CCDC178: variants seen among roughly 807,000 people sequenced by gnomAD.
The protein encoded by CCDC178 is coiled-coil domain containing 178.
A neutral mutation model predicts 117.4 loss-of-function variants in CCDC178; 126 were observed. That is an observed-to-expected ratio of 1.07 (90% CI 0.93 to 1.24). The LOEUF (loss-of-function observed/expected upper bound fraction) is 1.24, where lower values mean the gene tolerates loss of function less well. Ranked by LOEUF, CCDC178 falls within the 50% of genes most tolerant of loss-of-function variation. The pLI is 0.00. For missense variants in CCDC178, 1,030 were observed against 986.9 expected (o/e 1.04, Z -0.59); for synonymous variants, 283 against 313.4 (o/e 0.90, Z 1.02).
intron 10 of CCDC178, among the ~76,000 whole-genome samples, chr18:33,326,112 A>AGG (rs1483809358): frequency 6.6e-6 from 1 of 152,188 alleles, no homozygotes; most frequent in African/African-American, 2.4e-5. Flanking sequence ...GCTACCAGGT[A>AGG]GGGCTGTGTT....
At chr18:33,192,089 C>T (rs150121766) in intron 20 of CCDC178, among the ~76,000 whole-genome samples, 416 of 152,164 alleles carry the variant, frequency 2.7e-3, no homozygotes, top group Non-Finnish European at 3.9e-3. Context: ...AAATAATATA[C>T]AGTAGGTACT....
At chr18:33,045,436 A>G (rs1311515740) in intron 21 of CCDC178, among the ~76,000 whole-genome samples, 1 of 152,112 alleles carries the variant, frequency 6.6e-6, no homozygotes, top group Admixed American at 6.6e-5. Flanking sequence ...TGCTTAATAG[A>G]TATTTGCTAA....
intron 20 of CCDC178, among the ~76,000 whole-genome samples, chr18:33,179,078 A>AAAAAAATATAT (rs71159804): frequency 1.8e-5 from 1 of 55,822 alleles, no homozygotes; most frequent in African/African-American, 1.1e-4. Context: ...AAAAAAAAAA[A>AAAAAAATATAT]ATATATATAT....
intron 20 of CCDC178, among the ~76,000 whole-genome samples, chr18:33,190,303 C>A (rs887429025): frequency 6.6e-6 from 1 of 152,168 alleles, no homozygotes; most frequent in Non-Finnish European, 1.5e-5. Flanking sequence ...ATTCCTATAA[C>A]ACATCTCTTA....
chr18:33,260,763 G>A (rs539643412), intron 14 of CCDC178, among the ~76,000 whole-genome samples: 1 of 151,950 alleles, frequency 6.6e-6, no homozygotes, highest in African/African-American at 2.4e-5. Flanking sequence ...TTGTTTGTTA[G>A]ATAGGTAGAG....
intron 20 of CCDC178, among the ~76,000 whole-genome samples, chr18:33,138,464 A>C (rs775010268): frequency 9.2e-5 from 14 of 152,184 alleles, no homozygotes; most frequent in Non-Finnish European, 1.8e-4. Flanking sequence ...CAACAGTAGT[A>C]AGACATAGCT....
chr18:33,153,489 T>G (rs1197429756), intron 20 of CCDC178, among the ~76,000 whole-genome samples: 1 of 152,134 alleles, frequency 6.6e-6, no homozygotes, highest in East Asian at 1.9e-4. Context: ...TTTGTATCTA[T>G]GTATCTTATA....
intron 21 of CCDC178, among the ~76,000 whole-genome samples, chr18:33,054,471 T>C (rs1387378213): frequency 2.5e-4 from 38 of 152,188 alleles, no homozygotes; most frequent in Admixed American, 2.4e-3. Flanking sequence ...CCTACATGTG[T>C]CCACGTATTC....
At chr18:33,373,232 GAAT>G (rs1568183742) in intron 5 of CCDC178, among the ~76,000 whole-genome samples, 1 of 152,048 alleles carries the variant, frequency 6.6e-6, no homozygotes, top group African/African-American at 2.4e-5. Context: ...TAAATATCTA[GAAT>G]AATACACATG....
intron 12 of CCDC178, among the ~76,000 whole-genome samples, chr18:33,268,558 G>C (rs960997713): frequency 4.6e-5 from 7 of 151,710 alleles, no homozygotes; most frequent in Non-Finnish European, 8.8e-5. Context: ...CATAATCTTG[G>C]GCTAAAGGAG....
At chr18:32,994,181 T>C (rs1464973946) in intron 21 of CCDC178, among the ~76,000 whole-genome samples, 1 of 145,952 alleles carries the variant, frequency 6.9e-6, no homozygotes, top group Non-Finnish European at 1.5e-5. Flanking sequence ...GGTTACTAAA[T>C]CTCTTTTCTA....
intron 9 of CCDC178, among the ~76,000 whole-genome samples, chr18:33,334,896 T>C (rs1381871963): frequency 1.3e-5 from 2 of 152,068 alleles, no homozygotes; most frequent in African/African-American, 4.8e-5. Flanking sequence ...AAGCTATTTT[T>C]CTCTGTAAAT....
intron 21 of CCDC178, among the ~76,000 whole-genome samples, chr18:33,052,980 G>C (rs1345469118): frequency 6.6e-6 from 1 of 152,132 alleles, no homozygotes; most frequent in Non-Finnish European, 1.5e-5. Flanking sequence ...TGGACAAATA[G>C]AGATTAATGC....
At chr18:33,384,481 C>A (rs1317387917) in intron 5 of CCDC178, among the ~76,000 whole-genome samples, 2 of 152,136 alleles carry the variant, frequency 1.3e-5, no homozygotes, top group Non-Finnish European at 2.9e-5. Flanking sequence ...AGGTCGTCTA[C>A]AAAGGGCAAC....
intron 21 of CCDC178, among the ~76,000 whole-genome samples, chr18:32,985,578 G>A (rs2055245381): frequency 6.6e-6 from 1 of 151,820 alleles, no homozygotes; most frequent in Non-Finnish European, 1.5e-5. Context: ...TTAAATCCAG[G>A]TTATGACAAA....
At chr18:33,217,370 G>T (rs1018668741) in intron 18 of CCDC178, among the ~76,000 whole-genome samples, 9 of 151,898 alleles carry the variant, frequency 5.9e-5, no homozygotes, top group Non-Finnish European at 1.5e-5. Flanking sequence ...ATTTTATAAA[G>T]AAATCATACA....
intron 21 of CCDC178, among the ~76,000 whole-genome samples, chr18:33,039,596 A>G (rs566528678): frequency 6.6e-6 from 1 of 152,148 alleles, no homozygotes; most frequent in South Asian, 2.1e-4. Flanking sequence ...TGAATATAAA[A>G]TACTTGCAGA....
chr18:33,030,435 A>T (rs926149273), intron 21 of CCDC178, among the ~76,000 whole-genome samples: 2 of 151,988 alleles, frequency 1.3e-5, no homozygotes, highest in South Asian at 2.1e-4. Flanking sequence ...TTTAGATTAG[A>T]TTGTTTAATC....
At chr18:33,243,624 G>C (rs2059513521) in intron 15 of CCDC178, among the ~76,000 whole-genome samples, 1 of 151,836 alleles carries the variant, frequency 6.6e-6, no homozygotes, top group Admixed American at 6.6e-5. Context: ...AACTTGCATT[G>C]AATCTGTAAG....
Sources: allele counts gnomAD v4.1 joint callset (sites outside exome capture counted in the v4.1 genomes callset), GRCh38; gene constraint gnomAD v4.1.1; transcripts MANE v1.5; gene names NCBI Gene and HGNC (gene_info 2026-07-23, HGNC 2026-07-21).